The following CILK1 variants were observed in gnomAD, a reference collection of about 807,000 sequenced individuals.
CILK1 encodes serine/threonine-protein kinase ICK.
CILK1 carries 47 observed loss-of-function variants against 79.2 expected under a neutral mutation model. The ratio of observed to expected loss-of-function variants is 0.59; its 90% CI spans 0.47 to 0.76. The LOEUF (loss-of-function observed/expected upper bound fraction) is 0.76, where lower values mean the gene tolerates loss of function less well. CILK1 is among the 30% of genes least tolerant of loss of function. The pLI is 0.00. For missense variants in CILK1, 660 were observed against 769.5 expected, an observed-to-expected ratio of 0.86 and a Z score of 1.68; for synonymous variants, 266 against 275.9, an observed-to-expected ratio of 0.96 and a Z score of 0.36.
Position 53,002,214 on chromosome 6 carries a change from C to G in CILK1, c.*2935G>C, listed in dbSNP as rs1485378095. ...AATCATGTCAAGAGTAGTTTTTATG[C>G]AAATGCAGTTTTCCCTACTCTGCTG... On this transcript the variant is annotated 3_prime_UTR_variant, in exon 14 of 14. Coordinates refer to ENST00000676107, the MANE Select transcript of CILK1 (RefSeq NM_014920.5). 6.6e-6 allele frequency: 1 copy of G among 152,110 alleles called. No individual in the cohort carries two copies. The highest frequency in any genetic ancestry group is 1.5e-5 in the Non-Finnish European group (1 of 68,008). 9.4% of individuals were successfully genotyped at this position (152,110 alleles called of 1,614,324 possible). A position where few individuals can be genotyped will look rare whatever the true frequency, so the allele number is the denominator to read the frequency against.
intron 1 of CILK1, among the ~76,000 whole-genome samples, chr6:53,045,830 C>T (rs907413961): frequency 4.2e-5 from 5 of 119,960 alleles, no homozygotes; most frequent in Admixed American, 1.6e-4. Context: ...CTTGATTTGT[C>T]AAAAAAAAAA....
intron 5 of CILK1, among the ~76,000 whole-genome samples, chr6:53,021,058 C>T (rs77105580): frequency 9.1e-4 from 139 of 152,290 alleles, no homozygotes; most frequent in African/African-American, 2.9e-3. Context: ...CGGTGGCTCA[C>T]GCCTGTAATC....
intron 12 of CILK1, among the ~76,000 whole-genome samples, chr6:53,006,685 AT>A (rs1449023757): frequency 6.6e-6 from 1 of 152,162 alleles, no homozygotes; most frequent in Middle Eastern, 3.2e-3. Flanking sequence ...TGGTTGTGAA[AT>A]TTTTTTAAAA....
intron 1 of CILK1, among the ~76,000 whole-genome samples, chr6:53,059,233 A>G (rs1455034837): frequency 6.6e-6 from 1 of 152,028 alleles, no homozygotes; most frequent in Non-Finnish European, 1.5e-5. Context: ...ACTGGGGGGG[A>G]GCATTTTCCC....
chr6:53,017,269 T>G (rs773287206), intron 7 of CILK1, among the ~76,000 whole-genome samples: 3 of 152,158 alleles, frequency 2.0e-5, no homozygotes, highest in Non-Finnish European at 2.9e-5. Flanking sequence ...AAAATAAACA[T>G]ACAGCAAATC....
At position 53,037,884 on chromosome 6, in the gene CILK1, T is replaced by C. The variant is rs529653677; in HGVS notation, c.156+55A>G. 9.9e-5 allele frequency: 103 copies of C among 1,038,418 alleles called. 1 individual carries two copies. In the South Asian group the frequency reaches 1.2e-3, roughly 12 times the overall value. The allele number at this position is 1,038,418 out of a possible 1,614,324, so 64.3% of individuals were successfully genotyped here. On this transcript the variant is annotated intron_variant, in intron 3 of 13. Coordinates refer to ENST00000676107, the MANE Select transcript of CILK1 (RefSeq NM_014920.5). ...ACTATATCAACTATAAATCTAAGCA[T>C]GTACAAAGCTATTTTAATCATCCAT...
chr6:53,023,529 A>G (rs1765384192), intron 5 of CILK1, among the ~76,000 whole-genome samples: 1 of 152,170 alleles, frequency 6.6e-6, no homozygotes, highest in Non-Finnish European at 1.5e-5. Flanking sequence ...AGTGCAGGGG[A>G]CAATGAGGGC....
At chr6:53,024,878 G>C (rs1765475812) in intron 5 of CILK1, among the ~76,000 whole-genome samples, 1 of 149,798 alleles carries the variant, frequency 6.7e-6, no homozygotes, top group Non-Finnish European at 1.5e-5. Context: ...GGTCGCCCAG[G>C]CTGGAGTGAA....
At chr6:53,053,574 T>C (rs951043921) in intron 1 of CILK1, among the ~76,000 whole-genome samples, 3 of 152,218 alleles carry the variant, frequency 2.0e-5, no homozygotes, top group Non-Finnish European at 4.4e-5. Flanking sequence ...ATACGACTAA[T>C]GTGGCAGAAA....
intron 5 of CILK1, among the ~76,000 whole-genome samples, chr6:53,028,955 G>A (rs1175861785): frequency 6.6e-6 from 1 of 152,086 alleles, no homozygotes; most frequent in African/African-American, 2.4e-5. Context: ...GTGTTTGTGT[G>A]TGTGTGTATA....
chr6:53,014,007 G>A lies in CILK1; in HGVS notation c.832-25C>T, dbSNP rs779591333. On this transcript the variant is annotated intron_variant, in intron 8 of 13. Coordinates refer to ENST00000676107, the MANE Select transcript of CILK1 (RefSeq NM_014920.5). ...CCTGGAATGACAAATAAGGCTTTAG[G>A]AGAAAAGTCTAGCCAGGAAAGTTAC... The A allele has an allele frequency of 8.2e-6, 13 of 1,589,072 alleles. No individual in the cohort carries two copies. In the South Asian group the frequency reaches 1.2e-4, roughly 15 times the overall value.
Position 53,013,939 on chromosome 6 carries a change from C to G in CILK1, c.875G>C (p.Ser292Thr). Reference protein sequence around the residue: ...PYFQVGHPLGSTTQNLQDSEK... With the variant: ...PYFQVGHPLGTTTQNLQDSEK... ...TGAATCCTGAAGGTTTTGTGTGGTG[C>G]TGCCTAGTGGGTGTCCAACTTGGAA... The change falls in exon 9 of 14, where the codon AGC becomes ACC. Residue 292 changes from serine (S) to threonine (T), a missense_variant. By Grantham distance (58) the Ser-to-Thr change is moderately conservative (BLOSUM62 1). Coordinates refer to ENST00000676107, the MANE Select transcript of CILK1 (RefSeq NM_014920.5). 6.2e-7 allele frequency: 1 copy of G among 1,614,040 alleles called. No individual in the cohort carries two copies. The highest frequency in any genetic ancestry group is 8.5e-7 in the Non-Finnish European group (1 of 1,179,980).
intron 2 of CILK1, among the ~76,000 whole-genome samples, chr6:53,038,807 C>T (rs910165431): frequency 6.6e-6 from 1 of 152,186 alleles, no homozygotes; most frequent in African/African-American, 2.4e-5. Context: ...AAAATATTTA[C>T]AGCCTGGCCC....
chr6:53,005,330 G>T, intron 13 of CILK1, 27 bp from the exon 14 acceptor site: 1 of 1,613,542 alleles, frequency 6.2e-7, no homozygotes, highest in South Asian at 1.1e-5. Context: ...AGGCCGGCAT[G>T]ACTGATATGG....
chr6:53,038,541 A>C (rs1766503655), intron 2 of CILK1, among the ~76,000 whole-genome samples: 1 of 152,252 alleles, frequency 6.6e-6, no homozygotes, highest in Non-Finnish European at 1.5e-5. Flanking sequence ...CCCATGGGCC[A>C]AAACCTCACC....
rs932172024 is a variant in CILK1 at position 53,004,477 on chromosome 6, T to C, written c.*672A>G. 2.0e-4 allele frequency: 31 copies of C among 152,366 alleles called. No individual in the cohort carries two copies. Among genetic ancestry groups the C allele is most frequent in the African/African-American group, 5.8e-4 (24 of 41,572 alleles). The allele number at this position is 152,366 out of a possible 1,614,324, so 9.4% of individuals were successfully genotyped here. A position where few individuals can be genotyped will look rare whatever the true frequency, so the allele number is the denominator to read the frequency against. On this transcript the variant is annotated 3_prime_UTR_variant, in exon 14 of 14. Transcript: ENST00000676107. ...CATTAAAGGGTGTCAGAAAAATTTT[T>C]TAAAATGTATTTACTTAGAGTTCTT...
At chr6:53,009,635 AAATT>A (rs1764441183) in intron 11 of CILK1, 68 bp from the exon 12 acceptor site, 1 of 1,344,658 alleles carries the variant, frequency 7.4e-7, no homozygotes, top group Admixed American at 1.7e-5. Context: ...TACAAAGATA[AAATT>A]AATGCAGAAC....
At chr6:53,011,675 A>G (rs1361560785) in intron 11 of CILK1, 94 bp downstream of exon 11, 1 of 1,194,954 alleles carries the variant, frequency 8.4e-7, no homozygotes, top group Non-Finnish European at 1.3e-6. Flanking sequence ...GCCCCCTAGT[A>G]TCTGCCTTCT....
chr6:53,020,709 T>C (rs570126989), intron 5 of CILK1, among the ~76,000 whole-genome samples: 7 of 152,178 alleles, frequency 4.6e-5, no homozygotes, highest in Admixed American at 2.0e-4. Context: ...TTGTGAAAGC[T>C]GGATTCTAAC....
Sources: allele counts gnomAD v4.1 joint callset (sites outside exome capture counted in the v4.1 genomes callset), GRCh38; gene constraint gnomAD v4.1.1; transcripts MANE v1.5; gene names NCBI Gene and HGNC (gene_info 2026-07-23, HGNC 2026-07-21).